Variants in LRRC37A2 observed in about 807,000 individuals in gnomAD.
LRRC37A2 encodes leucine rich repeat containing 37 member A2.
LRRC37A2 carries 9 observed loss-of-function variants against 68.8 expected under a neutral mutation model. That is an observed-to-expected ratio of 0.13 (90% confidence interval 0.08 to 0.23). The LOEUF is 0.23. Ranked by LOEUF, LRRC37A2 falls within the 10% of genes least tolerant of loss-of-function variation. The pLI is 1.00. For missense variants in LRRC37A2, 168 were observed against 950.4 expected, an observed-to-expected ratio of 0.18 and a Z score of 10.82; for synonymous variants, 63 against 367.6, an observed-to-expected ratio of 0.17 and a Z score of 9.48.
chr17:46,893,937 C>T, the LRRC37A2 span, among the ~76,000 whole-genome samples: 2 of 152,142 alleles, frequency 1.3e-5, no homozygotes, highest in African/African-American at 4.8e-5. Flanking sequence ...AAGACACAAA[C>T]AGTGATGCTG....
the LRRC37A2 span, chr17:46,978,816 CA>C: frequency 6.2e-7 from 1 of 1,609,648 alleles, no homozygotes; most frequent in South Asian, 1.1e-5. Flanking sequence ...CCACCCGCGA[CA>C]CCCACAGGCT....
chr17:46,621,184 G>A, the LRRC37A2 span, among the ~76,000 whole-genome samples: 1 of 148,588 alleles, frequency 6.7e-6, no homozygotes, highest in African/African-American at 2.6e-5. Context: ...TAACCTCAGT[G>A]ACATCTGAGG....
the LRRC37A2 span, among the ~76,000 whole-genome samples, chr17:46,771,402 G>C: frequency 6.6e-6 from 1 of 151,446 alleles, no homozygotes; most frequent in African/African-American, 2.4e-5. Flanking sequence ...TCACAGGGCG[G>C]GCGCCCCTCG....
chr17:46,952,646 GA>G, the LRRC37A2 span: 1 of 152,164 alleles, frequency 6.6e-6, no homozygotes, highest in African/African-American at 2.4e-5. Context: ...ATCTTAACCT[GA>G]AGGCTTTTAT....
the LRRC37A2 span, among the ~76,000 whole-genome samples, chr17:46,759,542 A>G: frequency 6.6e-6 from 1 of 152,188 alleles, no homozygotes; most frequent in Non-Finnish European, 1.5e-5. Flanking sequence ...TTTGCCTCCT[A>G]GAAGGTTCTC....
the LRRC37A2 span, chr17:46,704,870 G>A: frequency 1.3e-6 from 2 of 1,592,914 alleles, no homozygotes; most frequent in Middle Eastern, 1.7e-4. Flanking sequence ...TATGCCCATT[G>A]AGTGATATAT....
At chr17:46,680,221 A>C in the LRRC37A2 span, among the ~76,000 whole-genome samples, 1 of 151,062 alleles carries the variant, frequency 6.6e-6, no homozygotes, top group Admixed American at 6.6e-5. Flanking sequence ...TACTTTTATC[A>C]CATATCAAGA....
At chr17:46,771,063 C>T in the LRRC37A2 span, among the ~76,000 whole-genome samples, 1 of 152,234 alleles carries the variant, frequency 6.6e-6, no homozygotes, top group African/African-American at 2.4e-5. Flanking sequence ...GCCTCCCCTC[C>T]TGGGCTGTGG....
the LRRC37A2 span, among the ~76,000 whole-genome samples, chr17:46,392,160 G>A: frequency 1.6e-5 from 1 of 64,108 alleles, no homozygotes; most frequent in Non-Finnish European, 3.6e-5. Context: ...CATTGAAGAT[G>A]TGCAGTTTAC....
the LRRC37A2 span, among the ~76,000 whole-genome samples, chr17:46,896,518 C>G: frequency 2.0e-5 from 3 of 151,992 alleles, no homozygotes; most frequent in Admixed American, 6.5e-5. Context: ...TGCCTGTAAT[C>G]CCAGAACTTT....
At chr17:47,000,964 C>T in the LRRC37A2 span, among the ~76,000 whole-genome samples, 2 of 152,166 alleles carry the variant, frequency 1.3e-5, no homozygotes, top group South Asian at 2.1e-4. Flanking sequence ...GGTAAAACCC[C>T]GTCTCTACTA....
chr17:46,823,946 T>C, the LRRC37A2 span, among the ~76,000 whole-genome samples: 1 of 152,156 alleles, frequency 6.6e-6, no homozygotes, highest in African/African-American at 2.4e-5. Context: ...GGATGGTGAA[T>C]ACAAAATATT....
At chr17:46,890,647 C>T in the LRRC37A2 span, among the ~76,000 whole-genome samples, 1 of 152,242 alleles carries the variant, frequency 6.6e-6, no homozygotes, top group Non-Finnish European at 1.5e-5. Flanking sequence ...CTATCTCCTT[C>T]AGCCACAGGC....
chr17:46,781,762 C>A, the LRRC37A2 span, among the ~76,000 whole-genome samples: 2 of 152,150 alleles, frequency 1.3e-5, no homozygotes, highest in Non-Finnish European at 1.5e-5. Context: ...GTGCTTGCAT[C>A]CCCAGCCTTC....
At chr17:46,766,276 C>T in the LRRC37A2 span, among the ~76,000 whole-genome samples, 4 of 152,062 alleles carry the variant, frequency 2.6e-5, no homozygotes, top group African/African-American at 7.2e-5. Context: ...ATCGTGGTGG[C>T]GGGCACCTAT....
chr17:46,803,044 T>TG, the LRRC37A2 span, among the ~76,000 whole-genome samples: 7 of 152,108 alleles, frequency 4.6e-5, no homozygotes, highest in Non-Finnish European at 1.0e-4. Context: ...CCTCAACCTA[T>TG]GGGATCAGAT....
the LRRC37A2 span, among the ~76,000 whole-genome samples, chr17:46,785,065 C>T: frequency 6.6e-6 from 1 of 152,168 alleles, no homozygotes; most frequent in African/African-American, 2.4e-5. Context: ...GCGTGAGCCA[C>T]CGTGCCCGGC....
the LRRC37A2 span, among the ~76,000 whole-genome samples, chr17:46,969,414 G>T: frequency 6.6e-6 from 1 of 152,300 alleles, no homozygotes; most frequent in African/African-American, 2.4e-5. Flanking sequence ...TTCAAATGCT[G>T]GTTCCGCCAC....
At chr17:46,944,987 T>C in the LRRC37A2 span, among the ~76,000 whole-genome samples, 1 of 152,200 alleles carries the variant, frequency 6.6e-6, no homozygotes, top group Non-Finnish European at 1.5e-5. Flanking sequence ...TGGAGTATCA[T>C]TCCTGTTCAG....
Sources: allele counts gnomAD v4.1 joint callset (sites outside exome capture counted in the v4.1 genomes callset), GRCh38; gene constraint gnomAD v4.1.1; transcripts MANE v1.5; gene names NCBI Gene and HGNC (gene_info 2026-07-23, HGNC 2026-07-21).